DISC1: variants seen among roughly 807,000 people sequenced by gnomAD.
DISC1 encodes the protein DISC1 scaffold protein.
A neutral mutation model predicts 84.5 loss-of-function variants in DISC1; 57 were observed. That is an observed-to-expected ratio of 0.67 (90% confidence interval 0.55 to 0.84). The LOEUF (loss-of-function observed/expected upper bound fraction) is 0.84, where lower values mean the gene tolerates loss of function less well. DISC1 is among the 40% of genes least tolerant of loss of function. DISC1 has a pLI of 0.00. For missense variants in DISC1, 1,000 were observed against 1,057.8 expected (o/e 0.95, Z 0.76); for synonymous variants, 411 against 415.2 (o/e 0.99, Z 0.12).
chr1:231,960,435 TG>T (rs943457338), intron 10 of DISC1, among the ~76,000 whole-genome samples: 8 of 152,108 alleles, frequency 5.3e-5, no homozygotes, highest in Non-Finnish European at 8.8e-5. Context: ...TTATATTTAG[TG>T]GAGATGGAGT....
chr1:231,881,992 G>A (rs2086322914), intron 9 of DISC1, among the ~76,000 whole-genome samples: 1 of 152,182 alleles, frequency 6.6e-6, no homozygotes, highest in African/African-American at 2.4e-5. Context: ...ATGCTTGGTC[G>A]GTAGAGACTC....
intron 10 of DISC1, among the ~76,000 whole-genome samples, chr1:232,004,639 A>G (rs936400364): frequency 6.6e-6 from 1 of 152,204 alleles, no homozygotes; most frequent in Admixed American, 6.5e-5. Context: ...AATGAATATG[A>G]AAAGATAATT....
At chr1:231,859,229 A>G (rs2084476941) in intron 9 of DISC1, among the ~76,000 whole-genome samples, 1 of 152,186 alleles carries the variant, frequency 6.6e-6, no homozygotes, top group Non-Finnish European at 1.5e-5. Context: ...AGGTCTGTCC[A>G]CCCTGCTCTA....
chr1:231,818,203 T>C, intron 8 of DISC1, 126 bp from the exon 9 acceptor site: 2 of 986,184 alleles, frequency 2.0e-6, no homozygotes, highest in South Asian at 1.3e-5. Context: ...AAGGAAATTG[T>C]ACATAATCTC....
chr1:231,854,123 C>T (rs200214731), intron 9 of DISC1, among the ~76,000 whole-genome samples: 15 of 152,126 alleles, frequency 9.9e-5, no homozygotes, highest in Admixed American at 1.3e-4. Context: ...CATAAATCAA[C>T]AACATGAGGC....
chr1:231,836,457 T>G (rs532178713), intron 9 of DISC1, among the ~76,000 whole-genome samples: 1 of 152,336 alleles, frequency 6.6e-6, no homozygotes, highest in South Asian at 2.1e-4. Context: ...AATAGTTCCC[T>G]GCCCTTCTCT....
intron 12 of DISC1, 117 bp from the exon 13 acceptor site, chr1:232,036,575 A>G: frequency 1.1e-6 from 1 of 939,416 alleles, no homozygotes; most frequent in Non-Finnish European, 1.4e-6. Context: ...AGAACTTTAA[A>G]CTGCAATTAG....
At chr1:231,758,642 T>C (rs1421396481) in intron 4 of DISC1, among the ~76,000 whole-genome samples, 1 of 152,132 alleles carries the variant, frequency 6.6e-6, no homozygotes, top group East Asian at 1.9e-4. Context: ...CAACAGGAAA[T>C]TTCTACCTCA....
rs1266123480 is a variant in DISC1 at position 231,647,204 on chromosome 1, A to G, written c.67+20270A>G. 3.9e-5 allele frequency among the ~76,000 whole-genome samples: 6 copies of G among 152,180 alleles called. No homozygotes were observed. The East Asian group carries it at 1.2e-3, about 29-fold the overall frequency. ...GGGTTTTTATGGTTTTAGGTCTAAC[A>G]TTTAAGTCTTTAATTCATCTTGAAT... On this transcript the variant is annotated intron_variant, in intron 1 of 12. Transcript: ENST00000439617.
intron 9 of DISC1, among the ~76,000 whole-genome samples, chr1:231,877,766 G>A (rs9431711): frequency 0.22 from 33,098 of 152,132 alleles, 3,657 homozygotes; most frequent in Middle Eastern, 0.3. Context: ...ACTTTGCATG[G>A]TTGCATTTAC....
chr1:232,026,114 A>G (rs1252807935), intron 11 of DISC1, among the ~76,000 whole-genome samples: 1 of 151,998 alleles, frequency 6.6e-6, no homozygotes, highest in East Asian at 1.9e-4. Context: ...TAAATTTTGA[A>G]TTTGCCCATT....
At chr1:231,638,420 T>C (rs551883715) in intron 1 of DISC1, among the ~76,000 whole-genome samples, 6 of 152,358 alleles carry the variant, frequency 3.9e-5, no homozygotes, top group South Asian at 4.1e-4. Context: ...CATAGACCAA[T>C]GTTCAGAAGA....
intron 1 of DISC1, among the ~76,000 whole-genome samples, chr1:231,683,000 C>T (rs201805765): frequency 1.2e-4 from 18 of 152,314 alleles, no homozygotes; most frequent in Non-Finnish European, 2.5e-4. Flanking sequence ...TGCCATCTGT[C>T]ACCTTCCTTG....
intron 10 of DISC1, chr1:231,959,093 A>C: frequency 7.4e-7 from 1 of 1,347,908 alleles, no homozygotes; most frequent in South Asian, 1.8e-5. Flanking sequence ...GTAGATTAAG[A>C]TGTTTAAAAG....
chr1:231,923,004 G>T (rs1030299703), intron 9 of DISC1, among the ~76,000 whole-genome samples: 1 of 152,142 alleles, frequency 6.6e-6, no homozygotes, highest in African/African-American at 2.4e-5. Context: ...TGAGCCAGGC[G>T]TGGTGGCTCA....
intron 4 of DISC1, among the ~76,000 whole-genome samples, chr1:231,763,942 A>C (rs1284049451): frequency 6.6e-6 from 1 of 152,242 alleles, no homozygotes; most frequent in African/African-American, 2.4e-5. Context: ...GGAGACAAAC[A>C]TAGCACAACA....
chr1:231,884,719 C>G (rs1039598726), intron 9 of DISC1, among the ~76,000 whole-genome samples: 14 of 151,830 alleles, frequency 9.2e-5, no homozygotes, highest in African/African-American at 3.4e-4. Flanking sequence ...ATGAAATAAC[C>G]TCTACACCAA....
intron 11 of DISC1, among the ~76,000 whole-genome samples, chr1:232,021,957 G>A (rs976914581): frequency 1.4e-4 from 21 of 152,100 alleles, no homozygotes; most frequent in African/African-American, 2.9e-4. Flanking sequence ...CAAACAGCCC[G>A]TCCATGTAGC....
At chr1:231,910,875 T>C (rs1371491254) in intron 9 of DISC1, among the ~76,000 whole-genome samples, 2 of 152,336 alleles carry the variant, frequency 1.3e-5, no homozygotes, top group African/African-American at 4.8e-5. Context: ...TGTGTGCATA[T>C]ATATTTAGGA....
Sources: gnomAD v4.1 joint callset for allele counts (sites outside exome capture counted in the v4.1 genomes callset) on GRCh38, gnomAD v4.1.1 for gene constraint, MANE v1.5 for transcripts, NCBI Gene and HGNC (gene_info 2026-07-23, HGNC 2026-07-21) for gene names.